SEMA6D: variants seen among roughly 807,000 people sequenced by gnomAD.
SEMA6D encodes semaphorin-6D.
Under a neutral mutation model 106.6 loss-of-function variants are expected in SEMA6D, and 35 were observed. That is an observed-to-expected ratio of 0.33 (90% CI 0.25 to 0.44). SEMA6D has a LOEUF of 0.44. Among genes scored for constraint, SEMA6D ranks in the 20% least tolerant of loss-of-function variants. The pLI, the probability that SEMA6D is intolerant of heterozygous loss-of-function variation, is 1.00. For synonymous variants in SEMA6D, 499 were observed against 487.7 expected (o/e 1.02, Z -0.31); for missense variants, 1,185 against 1,345.9 (o/e 0.88, Z 1.87).
chr15:47,234,700 G>C (rs183998153), intron 1 of SEMA6D, among the ~76,000 whole-genome samples: 1 of 152,116 alleles, frequency 6.6e-6, no homozygotes, highest in Admixed American at 6.6e-5. Flanking sequence ...TGGCTGATTA[G>C]TATTCCATGG....
chr15:47,728,250 G>A (rs1364576606), intron 1 of SEMA6D, among the ~76,000 whole-genome samples: 2 of 152,274 alleles, frequency 1.3e-5, no homozygotes, highest in Non-Finnish European at 1.5e-5. Context: ...CACCCTGCAC[G>A]ATTAGAATGA....
intron 3 of SEMA6D, among the ~76,000 whole-genome samples, chr15:47,501,852 T>A (rs1167149546): frequency 1.4e-5 from 2 of 138,246 alleles, no homozygotes; most frequent in African/African-American, 5.7e-5. Context: ...TGGAGGAGAT[T>A]TTTGGTTTTG....
intron 1 of SEMA6D, among the ~76,000 whole-genome samples, chr15:47,732,877 C>T (rs2080214028): frequency 1.3e-5 from 2 of 152,282 alleles, no homozygotes; most frequent in South Asian, 4.1e-4. Flanking sequence ...CACTATACTT[C>T]CATATTTGTT....
At chr15:47,598,121 C>G (rs2076574271) in intron 3 of SEMA6D, among the ~76,000 whole-genome samples, 1 of 151,850 alleles carries the variant, frequency 6.6e-6, no homozygotes, top group African/African-American at 2.4e-5. Context: ...GCATCCAGGA[C>G]CACCACCTCT....
chr15:47,638,201 C>T (rs1330725529), intron 4 of SEMA6D, among the ~76,000 whole-genome samples: 1 of 151,902 alleles, frequency 6.6e-6, no homozygotes, highest in African/African-American at 2.4e-5. Context: ...GAAAAATGGC[C>T]GTATGATGTG....
intron 3 of SEMA6D, among the ~76,000 whole-genome samples, chr15:47,505,416 C>T (rs1297816557): frequency 3.3e-5 from 5 of 152,110 alleles, no homozygotes; most frequent in Admixed American, 1.3e-4. Context: ...GCACATTCTG[C>T]GAAACAACTG....
chr15:47,462,031 G>A (rs1342437505), intron 2 of SEMA6D, among the ~76,000 whole-genome samples: 5 of 151,948 alleles, frequency 3.3e-5, no homozygotes, highest in Non-Finnish European at 7.4e-5. Flanking sequence ...AGATACTGAT[G>A]TTTTTCTCCT....
intron 1 of SEMA6D, among the ~76,000 whole-genome samples, chr15:47,255,516 G>A (rs931124574): frequency 6.6e-6 from 1 of 151,710 alleles, no homozygotes; most frequent in Non-Finnish European, 1.5e-5. Context: ...TCCTTGAGAC[G>A]TAACATTAGG....
intron 3 of SEMA6D, among the ~76,000 whole-genome samples, chr15:47,497,749 G>T (rs1307853515): frequency 6.6e-6 from 1 of 152,026 alleles, no homozygotes; most frequent in Non-Finnish European, 1.5e-5. Flanking sequence ...GCTATAACTA[G>T]TATCTTCTAA....
intron 1 of SEMA6D, among the ~76,000 whole-genome samples, chr15:47,367,696 A>ACGCGCGCG (rs1343214060): frequency 8.8e-5 from 4 of 45,628 alleles, no homozygotes; most frequent in African/African-American, 2.5e-4. Context: ...GCGCGCGCAC[A>ACGCGCGCG]CACACACACA....
At chr15:47,396,983 GA>G (rs1157258056) in intron 1 of SEMA6D, among the ~76,000 whole-genome samples, 3 of 152,046 alleles carry the variant, frequency 2.0e-5, no homozygotes, top group African/African-American at 4.8e-5. Context: ...CAAGTTCAAA[GA>G]AAAAAATTAT....
At chr15:47,698,835 C>T (rs774457815) in intron 4 of SEMA6D, among the ~76,000 whole-genome samples, 2 of 152,164 alleles carry the variant, frequency 1.3e-5, no homozygotes, top group East Asian at 1.9e-4. Context: ...ACTATACTTA[C>T]TACTTACTTG....
At chr15:47,762,133 G>A (rs377191815) in intron 7 of SEMA6D, 67 bp from the exon 8 acceptor site, 25 of 1,591,536 alleles carry the variant, frequency 1.6e-5, no homozygotes, top group East Asian at 9.0e-5. Context: ...GGCATAACAC[G>A]CTGCCAAAGC....
chr15:47,326,599 G>A (rs552669275), intron 1 of SEMA6D, among the ~76,000 whole-genome samples: 45 of 152,270 alleles, frequency 3.0e-4, no homozygotes, highest in African/African-American at 9.4e-4. Flanking sequence ...CAATGTTGCC[G>A]TGCGAACCTT....
Position 47,743,381 on chromosome 15 carries a change from T to C in SEMA6D, c.-54-16364T>C, listed in dbSNP as rs548723. On this transcript the variant is annotated intron_variant, in intron 1 of 18. Coordinates refer to ENST00000536845, the MANE Select transcript of SEMA6D (RefSeq NM_001358351.3). ...AAAGGGCTCTGTGGAGATTTTTCAA[T>C]GTTTTTTTTTTCTTGAGAAGGCACA... Among the ~76,000 whole-genome samples the C allele has an allele frequency of 5.4e-3, 819 of 152,208 alleles. 6 individuals are homozygous for C. Among genetic ancestry groups the C allele is most frequent in the African/African-American group, 0.019 (784 of 41,544 alleles).
chr15:47,715,032 G>T (rs994281858), upstream of SEMA6D, among the ~76,000 whole-genome samples: 40 of 152,216 alleles, frequency 2.6e-4, no homozygotes, highest in African/African-American at 9.6e-4. Flanking sequence ...GGGGAGCACA[G>T]AAGAAAAGCA....
At chr15:47,565,640 G>A (rs1406848008) in intron 3 of SEMA6D, among the ~76,000 whole-genome samples, 1 of 152,192 alleles carries the variant, frequency 6.6e-6, no homozygotes, top group Non-Finnish European at 1.5e-5. Context: ...ATAAGGGATT[G>A]GGAGCCAATT....
At chr15:47,570,751 T>G (rs1232240052) in intron 3 of SEMA6D, among the ~76,000 whole-genome samples, 1 of 152,154 alleles carries the variant, frequency 6.6e-6, no homozygotes, top group Non-Finnish European at 1.5e-5. Context: ...GCAAGACAAA[T>G]CAGGGTACTT....
intron 3 of SEMA6D, among the ~76,000 whole-genome samples, chr15:47,475,178 G>A (rs377065051): frequency 1.1e-4 from 17 of 152,128 alleles, no homozygotes; most frequent in African/African-American, 3.1e-4. Context: ...AAAAGAAAGC[G>A]CTCTCATTTA....
Sources: gnomAD v4.1 joint callset for allele counts (sites outside exome capture counted in the v4.1 genomes callset) on GRCh38, gnomAD v4.1.1 for gene constraint, MANE v1.5 for transcripts, NCBI Gene and HGNC (gene_info 2026-07-23, HGNC 2026-07-21) for gene names.